Variants in SP2 observed in about 807,000 individuals in gnomAD.
SP2 encodes the protein Sp2 transcription factor, also known as transcription factor Sp2.
Under a neutral mutation model 50.1 loss-of-function variants are expected in SP2, and 9 were observed. That is an observed-to-expected ratio of 0.18 (90% confidence interval 0.11 to 0.31). The LOEUF is 0.31. SP2 is among the 10% of genes least tolerant of loss of function. SP2 has a pLI of 1.00. For missense variants in SP2, 581 were observed against 806.5 expected, an observed-to-expected ratio of 0.72 and a Z score of 3.39; for synonymous variants, 313 against 326.6, an observed-to-expected ratio of 0.96 and a Z score of 0.45.
intron 1 of SP2, 53 bp from the exon 2 acceptor site, chr17:47,915,259 T>C: frequency 2.4e-6 from 3 of 1,274,170 alleles, no homozygotes; most frequent in Non-Finnish European, 1.1e-6. Context: ...GCAAGTGGGC[T>C]TGCGTTCTTT....
intron 2 of SP2, among the ~76,000 whole-genome samples, chr17:47,915,613 G>C (rs2035168147): frequency 6.6e-6 from 1 of 152,168 alleles, no homozygotes; most frequent in Non-Finnish European, 1.5e-5. Flanking sequence ...CCTTCCACCA[G>C]ACCTCACTAA....
Position 47,916,891 on chromosome 17 carries a change from G to A in SP2, c.820G>A (p.Ala274Thr), listed in dbSNP as rs1480351022. The A allele has an allele frequency of 2.5e-5, 40 of 1,614,078 alleles. No homozygotes were observed. The highest frequency in any genetic ancestry group is 3.3e-5 in the Admixed American group (2 of 60,000). ...GGAGACGGTGCTGATCGAGACCACC[G>A]CGGACAACATCATCCAGGCAGGAAA... Reference protein sequence around the residue: ...QVETVLIETTADNIIQAGNNL... With the variant: ...QVETVLIETTTDNIIQAGNNL... Residue 274 changes from alanine (A) to threonine (T), a missense_variant, in exon 3 of 7, where the codon GCG becomes ACG. Transcript: ENST00000376741. The surrounding 1 kb of genome is among the most constrained non-coding windows in gnomAD (Gnocchi z 4.7).
chr17:47,919,014 CAT>C (rs1491360123), intron 3 of SP2, among the ~76,000 whole-genome samples: 11 of 150,124 alleles, frequency 7.3e-5, no homozygotes, highest in Non-Finnish European at 1.3e-4. Context: ...CACACACACA[CAT>C]GCATGCACGC....
Position 47,917,147 on chromosome 17 carries a change from A to G in SP2, c.1059+17A>G. On this transcript the variant is annotated intron_variant, in intron 3 of 6. Transcript: ENST00000376741. ...CCTACTCAGGTACCACACTCCCTGT[A>G]CTGTCCTCCTTCTCCTCCTCTGGTT... 6.3e-7 allele frequency: 1 copy of G among 1,577,328 alleles called. No homozygotes were observed. Among genetic ancestry groups the G allele is most frequent in the Non-Finnish European group, 8.6e-7 (1 of 1,161,572 alleles).
At chr17:47,904,262 CAAAAAAA>C (rs71366804) in intron 1 of SP2, among the ~76,000 whole-genome samples, 3 of 99,706 alleles carry the variant, frequency 3.0e-5, no homozygotes, top group Non-Finnish European at 6.1e-5. Context: ...GACTCTGTCC[CAAAAAAA>C]AAAAAAAAAA....
intron 6 of SP2, among the ~76,000 whole-genome samples, chr17:47,926,641 C>T (rs1393666886): frequency 1.3e-5 from 2 of 151,942 alleles, no homozygotes; most frequent in African/African-American, 4.8e-5. Flanking sequence ...AATATTGATC[C>T]AAGCTGGGCA....
chr17:47,912,247 A>G (rs939492334), intron 1 of SP2, among the ~76,000 whole-genome samples: 2 of 152,184 alleles, frequency 1.3e-5, no homozygotes, highest in African/African-American at 4.8e-5. Context: ...CAGTGCCTGT[A>G]ATATTACGGG....
downstream of SP2, chr17:47,930,108 A>G (rs1307343684): frequency 6.6e-6 from 1 of 152,196 alleles, no homozygotes; most frequent in East Asian, 1.9e-4. Flanking sequence ...AGCTGAATCT[A>G]CCTTGACACA....
chr17:47,916,761 GCTC>G lies in SP2; in HGVS notation c.694_696del (p.Leu232del), dbSNP rs1294467181. 1 of 1,613,382 alleles carries G rather than the reference GCTC, an allele frequency of 6.2e-7. No individual in the cohort carries two copies. Among genetic ancestry groups the G allele is most frequent in the Admixed American group, 1.7e-5 (1 of 59,956 alleles). On this transcript the variant is annotated inframe_deletion, in exon 3 of 7. Coordinates refer to ENST00000376741, the MANE Select transcript of SP2 (RefSeq NM_003110.6). This position sits in a 1 kb window ranked among gnomAD's most constrained non-coding sequence, Gnocchi z 4.7. ...CCAGTGACACCGGGGCCCCTACTCA[GCTC>G]CTCACTGAAAGCCCCCCAACCCCGC...
intron 1 of SP2, chr17:47,909,559 A>G (rs1477483714): frequency 4.3e-6 from 1 of 235,286 alleles, no homozygotes; most frequent in African/African-American, 2.3e-5. Context: ...GCCAGGACTT[A>G]TTAAACTTTA....
chr17:47,915,509 A>G lies in SP2; in HGVS notation c.84+121A>G. 1 of 572,586 alleles carries G rather than the reference A, an allele frequency of 1.7e-6. No homozygotes were observed. The highest frequency in any genetic ancestry group is 2.9e-6 in the Non-Finnish European group (1 of 340,066). The allele number at this position is 572,586 out of a possible 1,614,324, so 35.5% of individuals were successfully genotyped here. A position where few individuals can be genotyped will look rare whatever the true frequency, so the allele number is the denominator to read the frequency against. ...TAGGTTATGAGACTGGGGAAGGTTCAGTTAGCCACATTTTCTTTACTGAGA... is the reference window on the plus strand; with the variant it reads ...TAGGTTATGAGACTGGGGAAGGTTCGGTTAGCCACATTTTCTTTACTGAGA... On this transcript the variant is annotated intron_variant, in intron 2 of 6. Transcript: ENST00000376741.
At chr17:47,922,006 C>G (rs1386054671) in intron 3 of SP2, among the ~76,000 whole-genome samples, 1 of 152,172 alleles carries the variant, frequency 6.6e-6, no homozygotes, top group African/African-American at 2.4e-5. Flanking sequence ...ATTTCTCTGT[C>G]TATATATATT....
chr17:47,902,264 G>T (rs1375339373), intron 1 of SP2, among the ~76,000 whole-genome samples: 1 of 152,206 alleles, frequency 6.6e-6, no homozygotes, highest in Non-Finnish European at 1.5e-5. Context: ...CTAAAGCAGT[G>T]AGAGAGGGAG....
chr17:47,899,911 T>G (rs1035572525), intron 1 of SP2: 3 of 152,274 alleles, frequency 2.0e-5, no homozygotes, highest in African/African-American at 7.2e-5. Flanking sequence ...CTAGGCCGTT[T>G]GTGTCACAGG....
At chr17:47,919,296 G>C (rs2035339122) in intron 3 of SP2, among the ~76,000 whole-genome samples, 1 of 152,128 alleles carries the variant, frequency 6.6e-6, no homozygotes, top group African/African-American at 2.4e-5. Context: ...TGTAGTCCCA[G>C]CTATTCAGGA....
chr17:47,901,447 G>GT (rs199984359), intron 1 of SP2, among the ~76,000 whole-genome samples: 4,811 of 150,596 alleles, frequency 0.032, 226 homozygotes, highest in African/African-American at 0.11. Flanking sequence ...GCCTGGCTTT[G>GT]TTTTTTTTGT....
chr17:47,897,016 G>C lies in SP2; in HGVS notation c.7+723G>C, dbSNP rs2034365768. Reference sequence around the variant, plus strand: ...CTCTTAGCAGAATTGTGAGAAGTTTGAGAACTTCTTGCCAGAGCTCCCAGC... The same window carrying C: ...CTCTTAGCAGAATTGTGAGAAGTTTCAGAACTTCTTGCCAGAGCTCCCAGC... On this transcript the variant is annotated intron_variant, in intron 1 of 6. Transcript: ENST00000376741. Among the ~76,000 whole-genome samples the C allele has an allele frequency of 2.6e-5, 4 of 152,234 alleles. No homozygotes were observed. The South Asian group carries it at 8.3e-4, about 32-fold the overall frequency.
At chr17:47,906,549 C>T (rs2034769092) in intron 1 of SP2, among the ~76,000 whole-genome samples, 1 of 152,212 alleles carries the variant, frequency 6.6e-6, no homozygotes, top group African/African-American at 2.4e-5. Context: ...AAATGGCATG[C>T]CTGTTACATA....
chr17:47,921,059 C>T (rs112391998), intron 3 of SP2, among the ~76,000 whole-genome samples: 165 of 152,258 alleles, frequency 1.1e-3, no homozygotes, highest in African/African-American at 3.9e-3. Context: ...TAGCATGTTT[C>T]AAGGTTCATC....
Sources: gnomAD v4.1 joint callset for allele counts (sites outside exome capture counted in the v4.1 genomes callset) on GRCh38, gnomAD v4.1.1 for gene constraint, Gnocchi (gnomAD v3.1) non-coding constraint, MANE v1.5 for transcripts, NCBI Gene and HGNC (gene_info 2026-07-23, HGNC 2026-07-21) for gene names.